SLC38A11: variants seen among roughly 807,000 people sequenced by gnomAD.
The protein encoded by SLC38A11 is putative sodium-coupled neutral amino acid transporter 11.
Under a neutral mutation model 49.4 loss-of-function variants are expected in SLC38A11, and 51 were observed. The observed-to-expected ratio is 1.03, with a 90% confidence interval of 0.83 to 1.30. The LOEUF is 1.30. Among genes scored for constraint, SLC38A11 ranks in the 50% most tolerant of loss-of-function variants. SLC38A11 has a pLI of 0.00. For missense variants in SLC38A11, 574 were observed against 556.2 expected (o/e 1.03, Z -0.32); for synonymous variants, 203 against 192.9 (o/e 1.05, Z -0.43).
At position 164,911,703 on chromosome 2, in the gene SLC38A11, A is replaced by T. The variant is rs759201954; in HGVS notation, c.896T>A (p.Phe299Tyr). The change falls in exon 10 of 12, where the codon TTT becomes TAT. Residue 299 changes from phenylalanine to tyrosine, a missense_variant. Transcript: ENST00000685975. ...AGTGACACCATAACAAAATCTTCCA[A>T]ATGTTACCAGGTCATCATTTCTGCA... ...NYCRNDDLVT[F>Y]GRFCYGVTVI... 41 of 1,607,258 alleles carry T rather than the reference A, an allele frequency of 2.6e-5. No homozygotes were observed. The highest frequency in any genetic ancestry group is 3.5e-5 in the Non-Finnish European group (41 of 1,176,530).
intron 2 of SLC38A11, 116 bp from the exon 3 acceptor site, chr2:164,952,897 C>T (rs773619346): frequency 1.1e-4 from 79 of 727,762 alleles, no homozygotes; most frequent in Admixed American, 6.3e-4. Flanking sequence ...ACTTATATGA[C>T]GTATTTGTAA....
chr2:164,911,867 T>C (rs1273349885), intron 9 of SLC38A11, 119 bp from the exon 10 acceptor site: 6 of 535,174 alleles, frequency 1.1e-5, no homozygotes, highest in Non-Finnish European at 2.0e-5. Context: ...CATATATGAT[T>C]ACAATGCTGT....
At position 164,944,694 on chromosome 2, in the gene SLC38A11, T is replaced by C. The variant is rs554177536; in HGVS notation, c.365-60A>G. On this transcript the variant is annotated intron_variant, in intron 4 of 11. Transcript: ENST00000685975. ...GCCATCTCATATTTCATCCTAAATA[T>C]TTTGAAAGCAATCAGTTATTACTTC... The C allele has an allele frequency of 6.3e-5, 41 of 653,756 alleles. No homozygotes were observed. The East Asian group carries it at 1.3e-3, about 21-fold the overall frequency. The allele number at this position is 653,756 out of a possible 1,614,324, so 40.5% of individuals were successfully genotyped here. A position where few individuals can be genotyped will look rare whatever the true frequency, so the allele number is the denominator to read the frequency against.
At chr2:164,917,454 G>A (rs1485121118) in intron 7 of SLC38A11, among the ~76,000 whole-genome samples, 3 of 152,146 alleles carry the variant, frequency 2.0e-5, no homozygotes, top group Non-Finnish European at 4.4e-5. Flanking sequence ...TATAAGACTT[G>A]CTCCAATTCC....
intron 11 of SLC38A11, among the ~76,000 whole-genome samples, chr2:164,905,538 C>T (rs1322758305): frequency 6.6e-6 from 1 of 152,072 alleles, no homozygotes; most frequent in Non-Finnish European, 1.5e-5. Flanking sequence ...TGATTTGGCT[C>T]TATTAGACAT....
At chr2:164,948,892 T>C (rs1688320085) in intron 3 of SLC38A11, among the ~76,000 whole-genome samples, 1 of 146,546 alleles carries the variant, frequency 6.8e-6, no homozygotes, top group African/African-American at 2.5e-5. Flanking sequence ...AACTCACTTT[T>C]TTTTTTTTTT....
chr2:164,899,549 AT>A (rs1684521810), intron 11 of SLC38A11, among the ~76,000 whole-genome samples: 1 of 152,160 alleles, frequency 6.6e-6, no homozygotes. Context: ...CATTTAATGC[AT>A]TTTAGGTAAT....
chr2:164,935,167 G>A (rs1486618834), intron 7 of SLC38A11, among the ~76,000 whole-genome samples: 1 of 150,062 alleles, frequency 6.7e-6, no homozygotes, highest in Non-Finnish European at 1.5e-5. Flanking sequence ...TACTGTCATT[G>A]ATTTTTCTTC....
At chr2:164,942,789 G>T (rs1687869479) in intron 5 of SLC38A11, among the ~76,000 whole-genome samples, 2 of 152,162 alleles carry the variant, frequency 1.3e-5, no homozygotes, top group African/African-American at 4.8e-5. Flanking sequence ...ATAGTACTGG[G>T]TAAGTCTACT....
At chr2:164,929,299 C>G (rs549729048) in intron 7 of SLC38A11, among the ~76,000 whole-genome samples, 1 of 152,192 alleles carries the variant, frequency 6.6e-6, no homozygotes, top group East Asian at 1.9e-4. Context: ...TTGGGATACC[C>G]TTTTCCCCAT....
chr2:164,942,432 CA>C (rs138965956), intron 5 of SLC38A11, among the ~76,000 whole-genome samples: 92 of 103,418 alleles, frequency 8.9e-4, no homozygotes, highest in Middle Eastern at 4.8e-3. Flanking sequence ...GACTCTGTCT[CA>C]AAAAAAAAAA....
chr2:164,914,079 G>A (rs867920538), intron 9 of SLC38A11, among the ~76,000 whole-genome samples: 6 of 152,162 alleles, frequency 3.9e-5, no homozygotes, highest in African/African-American at 1.4e-4. Flanking sequence ...CAGGCAGAAA[G>A]AGGATGGAAA....
intron 3 of SLC38A11, among the ~76,000 whole-genome samples, chr2:164,946,087 T>A (rs983677716): frequency 1.3e-5 from 2 of 152,152 alleles, no homozygotes; most frequent in Non-Finnish European, 2.9e-5. Context: ...AGGAATAGGA[T>A]GTAGGTAATC....
chr2:164,953,377 G>A (rs1426840059), intron 2 of SLC38A11: 1 of 152,190 alleles, frequency 6.6e-6, no homozygotes, highest in Non-Finnish European at 1.5e-5. Flanking sequence ...AACAAACACA[G>A]TTAACGTATT....
chr2:164,929,805 A>T (rs1377647690), intron 7 of SLC38A11, among the ~76,000 whole-genome samples: 1 of 152,130 alleles, frequency 6.6e-6, no homozygotes, highest in Non-Finnish European at 1.5e-5. Flanking sequence ...GTGGCTCCTC[A>T]TCAAAAAGTT....
intron 8 of SLC38A11, 66 bp downstream of exon 8, chr2:164,915,835 AAC>A: frequency 8.4e-7 from 1 of 1,187,602 alleles, no homozygotes; most frequent in Non-Finnish European, 1.2e-6. Context: ...ATAAATATGA[AAC>A]ACAGCACTTT....
chr2:164,945,635 A>T lies in SLC38A11; in HGVS notation c.322T>A (p.Tyr108Asn). 6.2e-7 allele frequency: 1 copy of T among 1,611,686 alleles called. No individual in the cohort carries two copies. Among genetic ancestry groups the T allele is most frequent in the African/African-American group, 1.3e-5 (1 of 74,888 alleles). The change falls in exon 4 of 12, where the codon TAT becomes AAT. Residue 108 changes from tyrosine (Y) to asparagine (N), a missense_variant. Tyr to Asn is a moderately radical substitution (Grantham distance 143). Transcript: ENST00000685975. ...LVNKTFGFPG[Y>N]LLLSVLQFLY... ...AACTGAAGAACAGAGAGGAGCAGAT[A>T]CCCTGGAAAGCCGAAAGTTTTATTG...
intron 3 of SLC38A11, among the ~76,000 whole-genome samples, chr2:164,951,360 A>T (rs1466151014): frequency 6.6e-6 from 1 of 150,834 alleles, no homozygotes; most frequent in African/African-American, 2.4e-5. Context: ...CCTTGAATGA[A>T]ATTTTTTTTT....
Position 164,955,363 on chromosome 2 carries a change from T to G in SLC38A11, c.-116A>C. 4.9e-6 allele frequency: 5 copies of G among 1,030,644 alleles called. No individual in the cohort carries two copies. The highest frequency in any genetic ancestry group is 7.3e-6 in the Non-Finnish European group (5 of 685,890). The allele number at this position is 1,030,644 out of a possible 1,614,324, so 63.8% of individuals were successfully genotyped here. ...CGAGGTCCGCGTGTAGCCGCAGAGCTGCAGGGAGCCAGTTCCACGGGCGCC... is the reference window on the plus strand; with the variant it reads ...CGAGGTCCGCGTGTAGCCGCAGAGCGGCAGGGAGCCAGTTCCACGGGCGCC... On this transcript the variant is annotated 5_prime_UTR_variant, in exon 1 of 12. Transcript: ENST00000685975.
Sources: allele counts gnomAD v4.1 joint callset (sites outside exome capture counted in the v4.1 genomes callset), GRCh38; gene constraint gnomAD v4.1.1; transcripts MANE v1.5; gene names NCBI Gene and HGNC (gene_info 2026-07-23, HGNC 2026-07-21).